The following TAGLN variants were observed in gnomAD, a reference collection of about 807,000 sequenced individuals.
TAGLN encodes the protein transgelin, also known as 22 kDa actin-binding protein.
Under a neutral mutation model 21.9 loss-of-function variants are expected in TAGLN, and 16 were observed. The observed-to-expected ratio is 0.73, with a 90% CI of 0.49 to 1.11. The LOEUF (loss-of-function observed/expected upper bound fraction) is 1.11, where lower values mean the gene tolerates loss of function less well. Ranked by LOEUF, TAGLN falls within the 50% of genes least tolerant of loss-of-function variation. The probability of loss-of-function intolerance (pLI) is 0.00; values close to 1 mark genes in which losing one functional copy is unlikely to be tolerated. For synonymous variants in TAGLN, 96 were observed against 94.9 expected (o/e 1.01, Z -0.06); for missense variants, 248 against 263.2 (o/e 0.94, Z 0.40).
Position 117,205,613 on chromosome 11 carries a change from G to A in TAGLN, c.*1254G>A, listed in dbSNP as rs979588112. The A allele has an allele frequency of 1.3e-4, 31 of 246,606 alleles. No homozygotes were observed. The highest frequency in any genetic ancestry group is 2.4e-3 in the Middle Eastern group (2 of 846). The allele number at this position is 246,606 out of a possible 1,614,324, so 15.3% of individuals were successfully genotyped here. On this transcript the variant is annotated 3_prime_UTR_variant, in exon 5 of 5. Transcript: ENST00000392951. Reference sequence around the variant, plus strand: ...CCTCTTCCCAAGTGACCCCAGTGATGTTTCCATTGAGATGCGCTCCTGGCT... The same window carrying A: ...CCTCTTCCCAAGTGACCCCAGTGATATTTCCATTGAGATGCGCTCCTGGCT...
In TAGLN at chr11:117,206,975, G is replaced by A; in HGVS notation, c.*2616G>A. The A allele has an allele frequency of 6.9e-7, 1 of 1,447,120 alleles. No individual in the cohort carries two copies. The highest frequency in any genetic ancestry group is 2.3e-5 in the East Asian group (1 of 43,018). The allele number at this position is 1,447,120 out of a possible 1,614,324, so 89.6% of individuals were successfully genotyped here. A position where few individuals can be genotyped will look rare whatever the true frequency, so the allele number is the denominator to read the frequency against. On this transcript the variant is annotated 3_prime_UTR_variant, in exon 5 of 5. Transcript: ENST00000392951. The stretch of plus-strand genomic sequence containing the variant: ...TCTACCGGCTTGACGCTGGAACTGG[G>A]AAGCACAGCTGGGGTTCAGAGGGCG...
At position 117,204,566 on chromosome 11, in the gene TAGLN, C is replaced by A; in HGVS notation, c.*207C>A. The A allele has an allele frequency of 1.3e-6, 1 of 755,176 alleles. No homozygotes were observed. Among genetic ancestry groups the A allele is most frequent in the Non-Finnish European group, 2.3e-6 (1 of 443,950 alleles). The allele number at this position is 755,176 out of a possible 1,614,324, so 46.8% of individuals were successfully genotyped here. On this transcript the variant is annotated 3_prime_UTR_variant, in exon 5 of 5. Transcript: ENST00000392951. ...AACTTCTTACCCGAAAGCATCACTGCCTTGGCCCCTCCCTCCCGGCTGCCC... is the reference window on the plus strand; with the variant it reads ...AACTTCTTACCCGAAAGCATCACTGACTTGGCCCCTCCCTCCCGGCTGCCC...
chr11:117,203,187 TG>T lies in TAGLN; in HGVS notation c.176del (p.Gly59AlafsTer2), dbSNP rs1213204915. 1 of 1,588,768 alleles carries T rather than the reference TG, an allele frequency of 6.3e-7. No homozygotes were observed. The highest frequency in any genetic ancestry group is 1.3e-5 in the African/African-American group (1 of 74,398). Reference sequence around the variant, plus strand: ...TGGGCTTCCAGGTCTGGCTGAAGAATGGCGTGGTGAGTGGCACCCTGGGCTA... The same window carrying T: ...TGGGCTTCCAGGTCTGGCTGAAGAATGCGTGGTGAGTGGCACCCTGGGCTA... ...RLGFQVWLKN[G>X]VILSKLVNSL... On this transcript the variant is annotated frameshift_variant, in exon 2 of 5. Transcript: ENST00000392951. LOFTEE classifies it high-confidence loss of function. The surrounding 1 kb of genome is among the most constrained non-coding windows in gnomAD (Gnocchi z 4.4).
Position 117,203,336 on chromosome 11 carries a change from C to G in TAGLN, c.210C>G (p.Tyr70Ter). 6.2e-7 allele frequency: 1 copy of G among 1,614,204 alleles called. No individual in the cohort carries two copies. Among genetic ancestry groups the G allele is most frequent in the Non-Finnish European group, 8.5e-7 (1 of 1,180,030 alleles). The change falls in exon 3 of 5, where the codon TAC (tyrosine) becomes TAG (stop). Residue 70 changes from tyrosine (Y) to a stop codon, truncating the protein, a stop_gained. Coordinates refer to ENST00000392951, the MANE Select transcript of TAGLN (RefSeq NM_003186.5). LOFTEE classifies it high-confidence loss of function. This position sits in a 1 kb window ranked among gnomAD's most constrained non-coding sequence, Gnocchi z 4.4. ...VILSKLVNSL[Y>*]PDGSKPVKVP... ...TGAGCAAGCTGGTGAACAGCCTGTA[C>G]CCTGATGGCTCCAAGCCGGTGAAGG... is the stretch of plus-strand genomic sequence containing the variant.
Position 117,205,682 on chromosome 11 carries a change from A to T in TAGLN, c.*1323A>T, listed in dbSNP as rs553126836. 1 of 294,704 alleles carries T rather than the reference A, an allele frequency of 3.4e-6. No individual in the cohort carries two copies. Among genetic ancestry groups the T allele is most frequent in the Admixed American group, 5.0e-5 (1 of 20,038 alleles). The allele number at this position is 294,704 out of a possible 1,614,324, so 18.3% of individuals were successfully genotyped here. A position where few individuals can be genotyped will look rare whatever the true frequency, so the allele number is the denominator to read the frequency against. On this transcript the variant is annotated 3_prime_UTR_variant, in exon 5 of 5. Coordinates refer to ENST00000392951, the MANE Select transcript of TAGLN (RefSeq NM_003186.5). ...ACTTATATGTGGGAAGGGGTCCCCCATGCTTGGGGGACCTAGGCAGCTGGC... is the reference window on the plus strand; with the variant it reads ...ACTTATATGTGGGAAGGGGTCCCCCTTGCTTGGGGGACCTAGGCAGCTGGC...
chr11:117,203,542 G>A lies in TAGLN; in HGVS notation c.358+58G>A, dbSNP rs1438968089. The A allele has an allele frequency of 6.3e-7, 1 of 1,586,364 alleles. No individual in the cohort carries two copies. Among genetic ancestry groups the A allele is most frequent in the Non-Finnish European group, 8.6e-7 (1 of 1,160,958 alleles). On this transcript the variant is annotated intron_variant, in intron 3 of 4. Coordinates refer to ENST00000392951, the MANE Select transcript of TAGLN (RefSeq NM_003186.5). This position sits in a 1 kb window ranked among gnomAD's most constrained non-coding sequence, Gnocchi z 4.4. ...CAGGAGGACAGGGTGCTGGGACAGGGAGAGGGAATGACCAGAATATGCCAC... is the reference window on the plus strand; with the variant it reads ...CAGGAGGACAGGGTGCTGGGACAGGAAGAGGGAATGACCAGAATATGCCAC...
intron 1 of TAGLN, chr11:117,202,418 G>A (rs1410930338): frequency 6.6e-6 from 1 of 152,246 alleles, no homozygotes; most frequent in African/African-American, 2.4e-5. Flanking sequence ...CCTGCTTCTG[G>A]GTGAGAGTGG....
rs554694144 is a variant in TAGLN at position 117,204,485 on chromosome 11, C to G, written c.*126C>G. 96 of 1,431,786 alleles carry G rather than the reference C, an allele frequency of 6.7e-5. No individual in the cohort carries two copies. In the African/African-American group the frequency reaches 1.3e-3, roughly 19 times the overall value. The allele number at this position is 1,431,786 out of a possible 1,614,324, so 88.7% of individuals were successfully genotyped here. ...CTGGCCAAGCTTTGAGGCTCTGTCA[C>G]TGAGCAATGGTAACTGCACCTGGGC... On this transcript the variant is annotated 3_prime_UTR_variant, in exon 5 of 5. Transcript: ENST00000392951.
In TAGLN at chr11:117,204,527, C is replaced by T; in HGVS notation, c.*168C>T. On this transcript the variant is annotated 3_prime_UTR_variant, in exon 5 of 5. Coordinates refer to ENST00000392951, the MANE Select transcript of TAGLN (RefSeq NM_003186.5). ...CACCTGGGCAGCTCCTCCCTGTGCC[C>T]CCAGCCTCAGCCCAACTTCTTACCC... 9.4e-7 allele frequency: 1 copy of T among 1,065,014 alleles called. No homozygotes were observed. The highest frequency in any genetic ancestry group is 1.4e-6 in the Non-Finnish European group (1 of 715,936). 66.0% of individuals were successfully genotyped at this position (1,065,014 alleles called of 1,614,324 possible).
In TAGLN at chr11:117,199,452, C is replaced by T. The variant is rs1270665125; in HGVS notation, c.-13+20C>T. 1.3e-5 allele frequency: 2 copies of T among 152,342 alleles called. No homozygotes were observed. The highest frequency in any genetic ancestry group is 2.9e-5 in the Non-Finnish European group (2 of 68,146). The allele number at this position is 152,342 out of a possible 1,614,324, so 9.4% of individuals were successfully genotyped here. On this transcript the variant is annotated intron_variant, in intron 1 of 4. Coordinates refer to ENST00000392951, the MANE Select transcript of TAGLN (RefSeq NM_003186.5). ...AGCCTTGTGAGTGCATTGGCTGGGG[C>T]TTGGAGGGAAGTTGGGCTGGAGCTG...
In TAGLN at chr11:117,204,851, G is replaced by A. The variant is rs550646517; in HGVS notation, c.*492G>A. Reference sequence around the variant, plus strand: ...ACTTTTGTTATGGTTTCAGATCTGCGCAGGGGACAGGCAGGCATCTCGGGC... The same window carrying A: ...ACTTTTGTTATGGTTTCAGATCTGCACAGGGGACAGGCAGGCATCTCGGGC... On this transcript the variant is annotated 3_prime_UTR_variant, in exon 5 of 5. Coordinates refer to ENST00000392951, the MANE Select transcript of TAGLN (RefSeq NM_003186.5). 5.3e-4 allele frequency: 142 copies of A among 266,800 alleles called. No homozygotes were observed. The highest frequency in any genetic ancestry group is 3.9e-3 in the South Asian group (71 of 17,992). 16.5% of individuals were successfully genotyped at this position (266,800 alleles called of 1,614,324 possible).
At position 117,204,256 on chromosome 11, in the gene TAGLN, T is replaced by G. The variant is rs760702923; in HGVS notation, c.503T>G (p.Leu168Arg). 1 of 1,614,224 alleles carries G rather than the reference T, an allele frequency of 6.2e-7. No individual in the cohort carries two copies. Among genetic ancestry groups the G allele is most frequent in the Admixed American group, 1.7e-5 (1 of 60,034 alleles). The change falls in exon 5 of 5, where the codon CTG becomes CGG. Residue 168 changes from leucine to arginine, a missense_variant. By Grantham distance (102) the Leu-to-Arg change is moderately radical (BLOSUM62 -2). Transcript: ENST00000392951. ...EHKREFTESQ[L>R]QEGKHVIGLQ... ...AAGAGGGAATTCACAGAGAGCCAGC[T>G]GCAGGAGGGAAAGCATGTCATTGGC...
intron 1 of TAGLN, chr11:117,200,354 C>G (rs664082): frequency 0.62 from 94,697 of 152,204 alleles, 31,487 homozygotes; most frequent in Non-Finnish European, 0.76. Context: ...TAGGGGGTGC[C>G]ACCTTCCCGT....
chr11:117,203,658 T>G lies in TAGLN; in HGVS notation c.359-124T>G. On this transcript the variant is annotated intron_variant, in intron 3 of 4. Coordinates refer to ENST00000392951, the MANE Select transcript of TAGLN (RefSeq NM_003186.5). The surrounding 1 kb of genome is among the most constrained non-coding windows in gnomAD (Gnocchi z 4.4). ...ACAGGGCCCACTGAGAGGCCTCCCT[T>G]GAATTGGGGACAACTCTTGGCCCTG... 1 of 1,263,466 alleles carries G rather than the reference T, an allele frequency of 7.9e-7. No homozygotes were observed. The highest frequency in any genetic ancestry group is 1.1e-6 in the Non-Finnish European group (1 of 900,314). The allele number at this position is 1,263,466 out of a possible 1,614,324, so 78.3% of individuals were successfully genotyped here.
intron 1 of TAGLN, among the ~76,000 whole-genome samples, chr11:117,199,981 C>T (rs2031018058): frequency 6.6e-6 from 1 of 152,090 alleles, no homozygotes; most frequent in Non-Finnish European, 1.5e-5. Context: ...GACGGAAGGC[C>T]TGTCCTTCTG....
In TAGLN at chr11:117,204,205, C is replaced by G; in HGVS notation, c.462-10C>G. The stretch of plus-strand genomic sequence containing the variant: ...CTACCAAGTCTTTATCCTGGTTCCT[C>G]CTCTTCTAGGAAAGCGCAGGAGCAT... On this transcript the variant is annotated splice_polypyrimidine_tract_variant and intron_variant, in intron 4 of 4. Coordinates refer to ENST00000392951, the MANE Select transcript of TAGLN (RefSeq NM_003186.5). The G allele has an allele frequency of 4.3e-6, 7 of 1,614,108 alleles. No homozygotes were observed. Among genetic ancestry groups the G allele is most frequent in the Non-Finnish European group, 5.9e-6 (7 of 1,179,944 alleles).
rs1319015236 is a variant in TAGLN at position 117,204,717 on chromosome 11, C to A, written c.*358C>A. 1.9e-5 allele frequency: 7 copies of A among 365,690 alleles called. No homozygotes were observed. Among genetic ancestry groups the A allele is most frequent in the Non-Finnish European group, 3.7e-5 (7 of 191,692 alleles). The allele number at this position is 365,690 out of a possible 1,614,324, so 22.7% of individuals were successfully genotyped here. A position where few individuals can be genotyped will look rare whatever the true frequency, so the allele number is the denominator to read the frequency against. ...GCCCATTGAAGAAGAACCAGCCCAG[C>A]CTGCCCCCTATCTTGTCCTGGAATA... On this transcript the variant is annotated 3_prime_UTR_variant, in exon 5 of 5. Coordinates refer to ENST00000392951, the MANE Select transcript of TAGLN (RefSeq NM_003186.5).
chr11:117,200,386 C>T (rs2031041273), intron 1 of TAGLN: 1 of 152,388 alleles, frequency 6.6e-6, no homozygotes, highest in Non-Finnish European at 1.5e-5. Flanking sequence ...CTTTCTTTCT[C>T]CACTGCCCAC....
rs754966865 is a variant in TAGLN, at chr11:117,203,797, C to G, written c.374C>G (p.Ala125Gly). The change falls in exon 4 of 5, where the codon GCA (alanine) becomes GGA (glycine). Residue 125 changes from alanine to glycine, a missense_variant. Ala to Gly is a moderately conservative substitution (Grantham distance 60). Transcript: ENST00000392951. This position sits in a 1 kb window ranked among gnomAD's most constrained non-coding sequence, Gnocchi z 4.4. ...VDLFEGKDMA[A>G]VQRTLMALGS... is the part of the protein sequence containing the mutation. Reference sequence around the variant, plus strand: ...CTTCTCACAGGCAAAGACATGGCAGCAGTGCAGAGGACCCTGATGGCTTTG... The same window carrying G: ...CTTCTCACAGGCAAAGACATGGCAGGAGTGCAGAGGACCCTGATGGCTTTG... The G allele has an allele frequency of 1.2e-6, 2 of 1,613,802 alleles. No individual in the cohort carries two copies. Among genetic ancestry groups the G allele is most frequent in the Non-Finnish European group, 8.5e-7 (1 of 1,179,786 alleles).
Sources: gnomAD v4.1 joint callset for allele counts (sites outside exome capture counted in the v4.1 genomes callset) on GRCh38, gnomAD v4.1.1 for gene constraint, Gnocchi (gnomAD v3.1) non-coding constraint, MANE v1.5 for transcripts, NCBI Gene and HGNC (gene_info 2026-07-23, HGNC 2026-07-21) for gene names.